The following SPATA21 variants were observed in gnomAD, a reference collection of about 807,000 sequenced individuals.
SPATA21 encodes spermatogenesis associated 21.
A neutral mutation model predicts 54.8 loss-of-function variants in SPATA21; 47 were observed. The ratio of observed to expected loss-of-function variants is 0.86; its 90% CI spans 0.68 to 1.09. The LOEUF (loss-of-function observed/expected upper bound fraction) is 1.09, where lower values mean the gene tolerates loss of function less well. Among genes scored for constraint, SPATA21 ranks in the 50% least tolerant of loss-of-function variants. The pLI, the probability that SPATA21 is intolerant of heterozygous loss-of-function variation, is 0.00. For synonymous variants in SPATA21, 245 were observed against 235.3 expected, an observed-to-expected ratio of 1.04 and a Z score of -0.38; for missense variants, 599 against 596.4, an observed-to-expected ratio of 1.00 and a Z score of -0.05.
chr1:16,406,273 C>G (rs935609574), intron 7 of SPATA21, among the ~76,000 whole-genome samples: 7 of 152,212 alleles, frequency 4.6e-5, no homozygotes, highest in Admixed American at 6.6e-5. Context: ...GCATGAGCCG[C>G]TGCGCCCGGC....
chr1:16,399,506 C>A lies in SPATA21; in HGVS notation c.1190G>T (p.Ser397Ile). 6.2e-7 allele frequency: 1 copy of A among 1,613,538 alleles called. No individual in the cohort carries two copies. Among genetic ancestry groups the A allele is most frequent in the Non-Finnish European group, 8.5e-7 (1 of 1,179,828 alleles). Residue 397 changes from serine (S) to isoleucine (I), a missense_variant, in exon 12 of 13, where the codon AGC becomes ATC. Coordinates refer to ENST00000335496, the MANE Select transcript of SPATA21 (RefSeq NM_198546.1). ...KQQNYAPNLQSPYAQVPCILL... is the reference protein window; with the variant it reads ...KQQNYAPNLQIPYAQVPCILL... ...GATGCAGGGCACCTGGGCATAGGGG[C>A]TCTGCAGGTTGGGAGCTGGTGAAGA...
intron 3 of SPATA21, chr1:16,427,893 G>A: frequency 6.5e-7 from 1 of 1,549,646 alleles, no homozygotes; most frequent in Non-Finnish European, 8.7e-7. Flanking sequence ...CCTGCTCCTG[G>A]ATTCTGAGCT....
chr1:16,423,539 C>CTTTTTT (rs966239575), intron 3 of SPATA21, among the ~76,000 whole-genome samples: 4 of 111,662 alleles, frequency 3.6e-5, no homozygotes, highest in Admixed American at 9.4e-5. Context: ...TCTCTCTCTC[C>CTTTTTT]TTTTTTTTTT....
chr1:16,426,762 T>C (rs952574563), intron 3 of SPATA21, among the ~76,000 whole-genome samples: 2 of 151,672 alleles, frequency 1.3e-5, no homozygotes, highest in African/African-American at 4.8e-5. Flanking sequence ...ATATTTTTAG[T>C]AGAGATGGGG....
chr1:16,426,721 C>T (rs1035296661), intron 3 of SPATA21, among the ~76,000 whole-genome samples: 2 of 151,364 alleles, frequency 1.3e-5, no homozygotes, highest in Non-Finnish European at 2.9e-5. Flanking sequence ...GCTGGGATTA[C>T]AGGCATGTGC....
chr1:16,398,057 C>T (rs770899882), downstream of SPATA21: 44 of 888,026 alleles, frequency 5.0e-5, no homozygotes, highest in Non-Finnish European at 5.8e-5. Flanking sequence ...CAGCTGCCCA[C>T]TCCCACCCCA....
Position 16,428,354 on chromosome 1 carries a change from C to T in SPATA21, c.34+2984G>A, listed in dbSNP as rs2100891198. ...GTCCAAGAGACGCCTTCAACAATTCCCATGCCTTCAAAACGCAGGCTCTAG... is the reference window on the plus strand; with the variant it reads ...GTCCAAGAGACGCCTTCAACAATTCTCATGCCTTCAAAACGCAGGCTCTAG... On this transcript the variant is annotated intron_variant, in intron 3 of 12. Transcript: ENST00000335496. This position sits in a 1 kb window ranked among gnomAD's most constrained non-coding sequence, Gnocchi z 4.3. 6.6e-6 allele frequency among the ~76,000 whole-genome samples: 1 copy of T among 152,292 alleles called. No individual in the cohort carries two copies. Among genetic ancestry groups the T allele is most frequent in the Admixed American group, 6.5e-5 (1 of 15,300 alleles).
chr1:16,435,752 A>G (rs185073506), intron 1 of SPATA21, among the ~76,000 whole-genome samples: 1 of 151,790 alleles, frequency 6.6e-6, no homozygotes, highest in African/African-American at 2.4e-5. Context: ...AAATGCTGGG[A>G]TTACATGCAT....
At position 16,406,771 on chromosome 1, in the gene SPATA21, T is replaced by G. The variant is rs187305005; in HGVS notation, c.674-1667A>C. Among the ~76,000 whole-genome samples, 1,044 of 152,042 alleles carry G rather than the reference T, an allele frequency of 6.9e-3. 11 individuals are homozygous for G. Among genetic ancestry groups the G allele is most frequent in the African/African-American group, 0.024 (1,005 of 41,474 alleles). The stretch of plus-strand genomic sequence containing the variant: ...AAATAAATAAATAATAAACGCAAAT[T>G]TGGACACACACAGAGATACCAGGGT... On this transcript the variant is annotated intron_variant, in intron 7 of 12. Transcript: ENST00000335496.
In SPATA21 at chr1:16,421,422, C is replaced by T. The variant is rs753443570; in HGVS notation, c.144+87G>A. On this transcript the variant is annotated intron_variant, in intron 5 of 12. Transcript: ENST00000335496. The surrounding 1 kb of genome is among the most constrained non-coding windows in gnomAD (Gnocchi z 5.2). ...CTCCAAATAGGGGTTTGACGTGCCA[C>T]ATCCGCTTCTGCCCTCTTCCTCCTC... 45 of 1,337,500 alleles carry T rather than the reference C, an allele frequency of 3.4e-5. No individual in the cohort carries two copies. The highest frequency in any genetic ancestry group is 4.6e-5 in the Non-Finnish European group (45 of 977,766). The allele number at this position is 1,337,500 out of a possible 1,614,324, so 82.9% of individuals were successfully genotyped here.
chr1:16,431,395 C>T lies in SPATA21; in HGVS notation c.-24G>A, dbSNP rs2086454338. 1 of 1,613,688 alleles carries T rather than the reference C, an allele frequency of 6.2e-7. No homozygotes were observed. The highest frequency in any genetic ancestry group is 1.3e-5 in the African/African-American group (1 of 74,898). ...ATGATGCCAGCGCCAACACGGGTGC[C>T]AAGTGAGGGGCATCACCTAGTGTGC... On this transcript the variant is annotated 5_prime_UTR_variant, in exon 3 of 13. An upstream open reading frame in the 5' UTR gains an earlier in-frame stop. Coordinates refer to ENST00000335496, the MANE Select transcript of SPATA21 (RefSeq NM_198546.1).
chr1:16,404,869 A>C, intron 8 of SPATA21, 98 bp downstream of exon 8: 7 of 1,302,404 alleles, frequency 5.4e-6, no homozygotes, highest in Non-Finnish European at 7.1e-6. Flanking sequence ...AACCAAGCAC[A>C]GGATCCTTTA....
intron 7 of SPATA21, among the ~76,000 whole-genome samples, chr1:16,407,546 A>G (rs1365139609): frequency 6.6e-6 from 1 of 151,952 alleles, no homozygotes; most frequent in Non-Finnish European, 1.5e-5. Flanking sequence ...TGCAACCTCC[A>G]CTTCCCAGGT....
At position 16,421,426 on chromosome 1, in the gene SPATA21, C is replaced by T. The variant is rs999238529; in HGVS notation, c.144+83G>A. On this transcript the variant is annotated intron_variant, in intron 5 of 12. Coordinates refer to ENST00000335496, the MANE Select transcript of SPATA21 (RefSeq NM_198546.1). This position sits in a 1 kb window ranked among gnomAD's most constrained non-coding sequence, Gnocchi z 5.2. ...AAATAGGGGTTTGACGTGCCACATC[C>T]GCTTCTGCCCTCTTCCTCCTCCTGA... The T allele has an allele frequency of 1.9e-5, 26 of 1,365,188 alleles. No individual in the cohort carries two copies. Among genetic ancestry groups the T allele is most frequent in the South Asian group, 5.5e-5 (4 of 72,800 alleles). 84.6% of individuals were successfully genotyped at this position (1,365,188 alleles called of 1,614,324 possible).
At chr1:16,427,994 C>T (rs773032148) in intron 3 of SPATA21, 34 of 1,549,300 alleles carry the variant, frequency 2.2e-5, no homozygotes, top group Non-Finnish European at 3.0e-5. Flanking sequence ...CTGCCCACTT[C>T]CGAAGCATCC....
At chr1:16,430,495 G>A (rs2086432822) in intron 3 of SPATA21, among the ~76,000 whole-genome samples, 1 of 152,160 alleles carries the variant, frequency 6.6e-6, no homozygotes, top group Admixed American at 6.6e-5. Context: ...GAGGTGTGAT[G>A]GAAGCTTAGG....
At chr1:16,418,750 C>T (rs2086087270) in intron 5 of SPATA21, among the ~76,000 whole-genome samples, 2 of 152,048 alleles carry the variant, frequency 1.3e-5, no homozygotes, top group African/African-American at 4.8e-5. Context: ...GTATTTTGGC[C>T]AGGCTGGTCT....
In SPATA21 at chr1:16,405,097, G is replaced by T. The variant is rs767665933; in HGVS notation, c.681C>A (p.Arg227=). ...GACCATTGAAGATCTCAAAGTAGCT[G>T]CGGAAGGCTGTGGGGAGGGCAGGGT... The part of the protein sequence containing the change: ...QLTLKQEEAF[R]SYFEIFNGPG... Residue 227 remains arginine (R), a synonymous_variant, in exon 8 of 13, where the codon CGC becomes CGA. Coordinates refer to ENST00000335496, the MANE Select transcript of SPATA21 (RefSeq NM_198546.1). The T allele has an allele frequency of 3.1e-6, 5 of 1,609,336 alleles. No homozygotes were observed. In the South Asian group the frequency reaches 5.6e-5, roughly 18 times the overall value.
intron 5 of SPATA21, among the ~76,000 whole-genome samples, chr1:16,418,157 T>A (rs2086066735): frequency 2.0e-5 from 3 of 152,234 alleles, no homozygotes; most frequent in Non-Finnish European, 4.4e-5. Flanking sequence ...AGCTAAATTG[T>A]GCCCTCTCCT....
Sources: allele counts gnomAD v4.1 joint callset (sites outside exome capture counted in the v4.1 genomes callset), GRCh38; gene constraint gnomAD v4.1.1; non-coding constraint Gnocchi (gnomAD v3.1); transcripts MANE v1.5; gene names NCBI Gene and HGNC (gene_info 2026-07-23, HGNC 2026-07-21).